Variants in FRMD4B observed in about 807,000 individuals in gnomAD.
FRMD4B encodes the protein FERM domain-containing protein 4B.
In FRMD4B, 74 loss-of-function variants were observed where a neutral mutation model predicts 141.5. The observed-to-expected ratio is 0.52, with a 90% confidence interval of 0.43 to 0.63. FRMD4B has a LOEUF of 0.63. Among genes scored for constraint, FRMD4B ranks in the 30% least tolerant of loss-of-function variants. The pLI, the probability that FRMD4B is intolerant of heterozygous loss-of-function variation, is 0.00. For synonymous variants in FRMD4B, 506 were observed against 467.9 expected (o/e 1.08, Z -1.05); for missense variants, 1,366 against 1,253.4 (o/e 1.09, Z -1.36).
At chr3:69,460,331 A>AT (rs1705690534) in intron 1 of FRMD4B, among the ~76,000 whole-genome samples, 1 of 152,196 alleles carries the variant, frequency 6.6e-6, no homozygotes, top group Non-Finnish European at 1.5e-5. Flanking sequence ...GAAGAGGCTG[A>AT]TTTTTAACAG....
chr3:69,344,515 C>T (rs2107394955), intron 1 of FRMD4B, among the ~76,000 whole-genome samples: 1 of 152,288 alleles, frequency 6.6e-6, no homozygotes, highest in East Asian at 1.9e-4. Flanking sequence ...TTAGTCTAAT[C>T]CCTTCACTCA....
chr3:69,466,797 C>G (rs1326678771), intron 1 of FRMD4B, among the ~76,000 whole-genome samples: 3 of 152,188 alleles, frequency 2.0e-5, no homozygotes, highest in Non-Finnish European at 4.4e-5. Flanking sequence ...CCTAGGTTCA[C>G]TGATCCTCCC....
chr3:69,183,845 C>G (rs2092736714), intron 19 of FRMD4B, among the ~76,000 whole-genome samples: 1 of 151,832 alleles, frequency 6.6e-6, no homozygotes, highest in African/African-American at 2.4e-5. Flanking sequence ...AAAAGCAAGT[C>G]TAAGTTCATT....
At chr3:69,369,447 C>A (rs1703324800) in intron 1 of FRMD4B, among the ~76,000 whole-genome samples, 1 of 151,990 alleles carries the variant, frequency 6.6e-6, no homozygotes, top group Non-Finnish European at 1.5e-5. Context: ...TTTTTGTAAC[C>A]TAATTTAGTA....
chr3:69,423,440 A>T (rs1177063766), intron 2 of FRMD4B, among the ~76,000 whole-genome samples: 1 of 152,126 alleles, frequency 6.6e-6, no homozygotes, highest in Non-Finnish European at 1.5e-5. Context: ...GTTTCAGTTC[A>T]TGTTAGGTAC....
intron 5 of FRMD4B, among the ~76,000 whole-genome samples, chr3:69,256,337 T>A (rs2093492797): frequency 6.6e-6 from 1 of 152,224 alleles, no homozygotes; most frequent in Admixed American, 6.5e-5. Flanking sequence ...TGTTTGTTTT[T>A]GAGATGGAGT....
intron 5 of FRMD4B, among the ~76,000 whole-genome samples, chr3:69,270,631 T>A (rs1396853669): frequency 6.7e-6 from 1 of 149,702 alleles, no homozygotes; most frequent in Non-Finnish European, 1.5e-5. Context: ...AGTGGCAGAA[T>A]CTCGGCTCAC....
At chr3:69,407,641 G>C (rs891343714) in intron 2 of FRMD4B, among the ~76,000 whole-genome samples, 6 of 152,210 alleles carry the variant, frequency 3.9e-5, no homozygotes, top group African/African-American at 1.4e-4. Context: ...CACTGGGCCA[G>C]GGATGGAAAG....
intron 7 of FRMD4B, among the ~76,000 whole-genome samples, chr3:69,246,726 G>A (rs1351985453): frequency 6.6e-6 from 1 of 152,278 alleles, no homozygotes; most frequent in Non-Finnish European, 1.5e-5. Flanking sequence ...CCAGTCCCAC[G>A]CTCTCTCCAC....
chr3:69,194,678 A>T (rs2092879257), intron 16 of FRMD4B, among the ~76,000 whole-genome samples: 1 of 152,218 alleles, frequency 6.6e-6, no homozygotes, highest in African/African-American at 2.4e-5. Context: ...GAGGCCTGAG[A>T]AATGAGACTT....
chr3:69,384,838 G>A (rs1704210241), intron 1 of FRMD4B, among the ~76,000 whole-genome samples: 1 of 152,116 alleles, frequency 6.6e-6, no homozygotes. Context: ...GCTTGATCAT[G>A]TATGAGACAC....
At chr3:69,471,991 CTT>C (rs58822985) in intron 1 of FRMD4B, 85,913 of 148,684 alleles carry the variant, frequency 0.58, 24,704 homozygotes, top group African/African-American at 0.66. Context: ...TGAAAGTTGT[CTT>C]TTTTTTTTTT....
At chr3:69,420,286 A>C (rs980319190) in intron 2 of FRMD4B, among the ~76,000 whole-genome samples, 47 of 119,370 alleles carry the variant, frequency 3.9e-4, no homozygotes, top group African/African-American at 1.5e-3. Flanking sequence ...ATGAAAAGGG[A>C]TATCAAAAAA....
chr3:69,350,164 G>A (rs930503267), intron 1 of FRMD4B, among the ~76,000 whole-genome samples: 1 of 152,102 alleles, frequency 6.6e-6, no homozygotes, highest in African/African-American at 2.4e-5. Flanking sequence ...GTGGGCAAAG[G>A]ATATGAACAG....
intron 1 of FRMD4B, among the ~76,000 whole-genome samples, chr3:69,458,168 T>C (rs868658029): frequency 6.6e-6 from 1 of 152,176 alleles, no homozygotes. Context: ...TAACAAAATT[T>C]ACACCACAGA....
At chr3:69,375,142 T>C (rs1703933313) in intron 1 of FRMD4B, among the ~76,000 whole-genome samples, 1 of 144,328 alleles carries the variant, frequency 6.9e-6, no homozygotes. Context: ...CATCTAACAA[T>C]CCACCCATCT....
intron 1 of FRMD4B, among the ~76,000 whole-genome samples, chr3:69,463,500 CA>C: frequency 6.6e-6 from 1 of 152,166 alleles, no homozygotes; most frequent in East Asian, 1.9e-4. Flanking sequence ...ATATTCAAAG[CA>C]ATGACCTCAG....
At chr3:69,402,724 C>A (rs1410619483) in intron 2 of FRMD4B, among the ~76,000 whole-genome samples, 1 of 152,048 alleles carries the variant, frequency 6.6e-6, no homozygotes, top group African/African-American at 2.4e-5. Flanking sequence ...AATAAGCAAC[C>A]CAGATTATAG....
At chr3:69,520,584 T>C (rs960337276) in intron 1 of FRMD4B, among the ~76,000 whole-genome samples, 10 of 151,842 alleles carry the variant, frequency 6.6e-5, no homozygotes, top group Non-Finnish European at 1.3e-4. Flanking sequence ...TGGAAGCCAC[T>C]CAGTGTGAGG....
Sources: allele counts gnomAD v4.1 joint callset (sites outside exome capture counted in the v4.1 genomes callset), GRCh38; gene constraint gnomAD v4.1.1; transcripts MANE v1.5; gene names NCBI Gene and HGNC (gene_info 2026-07-23, HGNC 2026-07-21).